Variants in NAALADL2 observed in about 807,000 individuals in gnomAD.
NAALADL2 encodes inactive N-acetylated-alpha-linked acidic dipeptidase-like protein 2.
Under a neutral mutation model 87.2 loss-of-function variants are expected in NAALADL2, and 76 were observed. The ratio of observed to expected loss-of-function variants is 0.87; its 90% CI spans 0.72 to 1.05. The LOEUF is 1.05. Ranked by LOEUF, NAALADL2 falls within the 50% of genes least tolerant of loss-of-function variation. The pLI is 0.00. For missense variants in NAALADL2, 1,089 were observed against 945.8 expected (o/e 1.15, Z -1.99); for synonymous variants, 354 against 331.0 (o/e 1.07, Z -0.75).
At chr3:174,955,174 T>C (rs1740973123) in intron 1 of NAALADL2, among the ~76,000 whole-genome samples, 1 of 152,080 alleles carries the variant, frequency 6.6e-6, no homozygotes, top group African/African-American at 2.4e-5. Context: ...GGCATCGTCT[T>C]CTACTTATAC....
In NAALADL2 at chr3:175,485,694, T is replaced by C. The variant is rs185327584; in HGVS notation, c.1653+13936T>C. Among the ~76,000 whole-genome samples the C allele has an allele frequency of 2.3e-3, 354 of 152,280 alleles. 1 individual carries two copies. Among genetic ancestry groups the C allele is most frequent in the African/African-American group, 8.1e-3 (338 of 41,554 alleles). On this transcript the variant is annotated intron_variant, in intron 9 of 13. Transcript: ENST00000454872. Reference sequence around the variant, plus strand: ...CCTTCATCTTCCTGCTTTTTCTAGCTACGCTGACAGCCACTGGATGGTGCC... The same window carrying C: ...CCTTCATCTTCCTGCTTTTTCTAGCCACGCTGACAGCCACTGGATGGTGCC...
intron 2 of NAALADL2, among the ~76,000 whole-genome samples, chr3:175,160,360 C>CTTTT (rs71164618): frequency 0.017 from 952 of 56,962 alleles, 47 homozygotes; most frequent in Non-Finnish European, 0.023. Context: ...TCTTTTCTTT[C>CTTTT]TTTTTTTTTT....
In NAALADL2 at chr3:174,681,427, A is replaced by C. The variant is rs115204546; in HGVS notation, c.-114-56214A>C. Among the ~76,000 whole-genome samples the C allele has an allele frequency of 2.9e-3, 447 of 151,900 alleles. 1 individual carries two copies. Among genetic ancestry groups the C allele is most frequent in the African/African-American group, 0.011 (438 of 41,406 alleles). Reference sequence around the variant, plus strand: ...GGCAGCATAGCCCACAGCTCTGAGAAAGACACCTTCCCTCTGCCTGCAGAG... The same window carrying C: ...GGCAGCATAGCCCACAGCTCTGAGACAGACACCTTCCCTCTGCCTGCAGAG... On this transcript the variant is annotated intron_variant, in intron 2 of 3. Coordinates refer to the NAALADL2 transcript ENST00000434257.
At chr3:174,474,197 A>G (rs563015736) in intron 1 of NAALADL2, among the ~76,000 whole-genome samples, 5 of 152,324 alleles carry the variant, frequency 3.3e-5, no homozygotes, top group African/African-American at 7.2e-5. Flanking sequence ...AATGAAAATT[A>G]CACATGCTCT....
At chr3:174,832,400 T>A (rs554137789) in intron 3 of NAALADL2, among the ~76,000 whole-genome samples, 82 of 152,268 alleles carry the variant, frequency 5.4e-4, no homozygotes, top group African/African-American at 1.9e-3. Context: ...ATGTTCAGTT[T>A]CCATGTAGTT....
At chr3:175,394,878 C>G (rs1769559012) in intron 5 of NAALADL2, among the ~76,000 whole-genome samples, 1 of 152,144 alleles carries the variant, frequency 6.6e-6, no homozygotes, top group Non-Finnish European at 1.5e-5. Context: ...TCCCTTCTCA[C>G]AATTTGACAG....
chr3:175,388,418 A>T (rs145808434), intron 5 of NAALADL2, among the ~76,000 whole-genome samples: 293 of 152,268 alleles, frequency 1.9e-3, no homozygotes, highest in African/African-American at 6.8e-3. Flanking sequence ...TAGCTTTAAA[A>T]TTTCAGTAAG....
chr3:174,873,729 G>A (rs2109636985), intron 1 of NAALADL2, among the ~76,000 whole-genome samples: 1 of 151,606 alleles, frequency 6.6e-6, no homozygotes. Context: ...ACTTATCCTG[G>A]GAATTATATT....
intron 11 of NAALADL2, among the ~76,000 whole-genome samples, chr3:175,648,362 G>T (rs1730297681): frequency 6.6e-6 from 1 of 151,488 alleles, no homozygotes; most frequent in Admixed American, 6.6e-5. Context: ...TAAAATTTAT[G>T]GTGTAAAGAC....
chr3:174,959,014 T>C (rs775666738), intron 1 of NAALADL2, among the ~76,000 whole-genome samples: 3 of 152,058 alleles, frequency 2.0e-5, no homozygotes, highest in Non-Finnish European at 4.4e-5. Context: ...AGTTTTCTAT[T>C]GGTGTTTTGA....
At chr3:174,739,386 G>T (rs1464273574) in intron 3 of NAALADL2, among the ~76,000 whole-genome samples, 4 of 152,080 alleles carry the variant, frequency 2.6e-5, no homozygotes, top group African/African-American at 7.2e-5. Flanking sequence ...ATCGGATGAA[G>T]ATTTTAGGGA....
chr3:175,271,718 G>T (rs556120542), intron 4 of NAALADL2, among the ~76,000 whole-genome samples: 24 of 152,294 alleles, frequency 1.6e-4, no homozygotes, highest in Admixed American at 1.2e-3. Context: ...TTTGAACAAG[G>T]GGGGAGGCAG....
chr3:175,070,985 G>A (rs567842858), intron 1 of NAALADL2, among the ~76,000 whole-genome samples: 4 of 151,982 alleles, frequency 2.6e-5, no homozygotes, highest in African/African-American at 7.2e-5. Flanking sequence ...TGTCATTCAA[G>A]ATGTTCTATT....
At chr3:174,810,372 C>A (rs748725070) in intron 3 of NAALADL2, among the ~76,000 whole-genome samples, 2 of 152,010 alleles carry the variant, frequency 1.3e-5, no homozygotes, top group African/African-American at 2.4e-5. Context: ...GATGGCCAGG[C>A]TGAGGAGTTC....
chr3:175,729,205 G>A (rs1350574717), intron 11 of NAALADL2, among the ~76,000 whole-genome samples: 1 of 152,130 alleles, frequency 6.6e-6, no homozygotes, highest in East Asian at 1.9e-4. Flanking sequence ...TAACAGGAAA[G>A]TAAGTTCTAA....
At chr3:175,046,777 A>G (rs994871281) in intron 1 of NAALADL2, among the ~76,000 whole-genome samples, 1 of 152,164 alleles carries the variant, frequency 6.6e-6, no homozygotes, top group Non-Finnish European at 1.5e-5. Flanking sequence ...TGTTTTCATC[A>G]TCTTCTTCCC....
chr3:175,686,869 T>C (rs551677636), intron 11 of NAALADL2, among the ~76,000 whole-genome samples: 31 of 152,172 alleles, frequency 2.0e-4, no homozygotes, highest in Non-Finnish European at 3.1e-4. Flanking sequence ...ATTGCTACAA[T>C]TCAATTGCAT....
Position 175,400,116 on chromosome 3 carries a change from A to T in NAALADL2, c.1091-47113A>T, listed in dbSNP as rs79894907. Among the ~76,000 whole-genome samples the T allele has an allele frequency of 8.9e-3, 1,361 of 152,262 alleles. 21 individuals are homozygous for T. Among genetic ancestry groups the T allele is most frequent in the African/African-American group, 0.031 (1,291 of 41,556 alleles). On this transcript the variant is annotated intron_variant, in intron 5 of 13. Transcript: ENST00000454872. ...TATATGAAAAGGGACTGAACTGAGC[A>T]GTCAATAAATATCTGAAAGAGGGAT...
At chr3:175,480,160 T>C (rs1431045757) in intron 9 of NAALADL2, among the ~76,000 whole-genome samples, 1 of 151,818 alleles carries the variant, frequency 6.6e-6, no homozygotes, top group East Asian at 1.9e-4. Context: ...CTCTGGTTTC[T>C]AGGCTAAGAG....
Sources: gnomAD v4.1 joint callset for allele counts (sites outside exome capture counted in the v4.1 genomes callset) on GRCh38, gnomAD v4.1.1 for gene constraint, MANE v1.5 for transcripts, NCBI Gene and HGNC (gene_info 2026-07-23, HGNC 2026-07-21) for gene names.